Variants in COL12A1 observed in about 807,000 individuals in gnomAD.
COL12A1 encodes the protein collagen type XII alpha 1 chain, also known as collagen alpha-1(XII) chain.
COL12A1 carries 114 observed loss-of-function variants against 349.7 expected under a neutral mutation model. That is an observed-to-expected ratio of 0.33 (90% CI 0.28 to 0.38). COL12A1 has a LOEUF of 0.38. Ranked by LOEUF, COL12A1 falls within the 10% of genes least tolerant of loss-of-function variation. The pLI, the probability that COL12A1 is intolerant of heterozygous loss-of-function variation, is 1.00. For missense variants in COL12A1, 3,284 were observed against 3,756.9 expected (o/e 0.87, Z 3.29); for synonymous variants, 1,369 against 1,329.0 (o/e 1.03, Z -0.66).
At position 75,137,496 on chromosome 6, in the gene COL12A1, G is replaced by A. The variant is rs760210784; in HGVS notation, c.5335C>T (p.Arg1779Cys). The A allele has an allele frequency of 1.3e-5, 21 of 1,613,548 alleles. No individual in the cohort carries two copies. Among genetic ancestry groups the A allele is most frequent in the South Asian group, 7.7e-5 (7 of 91,010 alleles). ...TAAGTGATCCTATATTTCTGCACAC[G>A]ACCACTAGCAGGATCCCACTTAACA... ...LTVKWDPASG[R>C]VQKYRITYQP... Residue 1779 changes from arginine (R) to cysteine (C), a missense_variant, in exon 31 of 66, where the codon CGT (arginine) becomes TGT (cysteine). Physicochemically the swap from Arg to Cys is radical, Grantham distance 180. Coordinates refer to ENST00000322507, the MANE Select transcript of COL12A1 (RefSeq NM_004370.6).
chr6:75,124,188 CTT>C, intron 41 of COL12A1, 65 bp downstream of exon 41: 1 of 1,593,968 alleles, frequency 6.3e-7, no homozygotes, highest in Non-Finnish European at 8.6e-7. Context: ...ATGGCATCTT[CTT>C]TACTGAAATT....
In COL12A1 at chr6:75,128,341, A is replaced by G. The variant is rs1366474005; in HGVS notation, c.6295T>C (p.Tyr2099His). ...TPYKITVIAV[Y>H]EDGDGGHLTG... The stretch of plus-strand genomic sequence containing the variant: ...AGATGGCCACCATCTCCATCTTCAT[A>G]AACAGCAATAACAGTAATTTTATAT... Residue 2099 changes from tyrosine to histidine, a missense_variant, in exon 38 of 66, where the codon TAT (tyrosine) becomes CAT (histidine). Tyr to His is a moderately conservative substitution (Grantham distance 83). Transcript: ENST00000322507. 6.2e-7 allele frequency: 1 copy of G among 1,608,122 alleles called. No individual in the cohort carries two copies. Among genetic ancestry groups the G allele is most frequent in the East Asian group, 2.2e-5 (1 of 44,586 alleles).
chr6:75,181,950 G>T (rs1769328255), intron 10 of COL12A1, among the ~76,000 whole-genome samples: 1 of 149,384 alleles, frequency 6.7e-6, no homozygotes, highest in African/African-American at 2.6e-5. Flanking sequence ...AGAAAAATTA[G>T]CCAGGCGTGG....
chr6:75,177,374 G>A lies in COL12A1; in HGVS notation c.2437+289C>T, dbSNP rs549617396. 3.3e-5 allele frequency among the ~76,000 whole-genome samples: 5 copies of A among 152,112 alleles called. No individual in the cohort carries two copies. In the East Asian group the frequency reaches 9.7e-4, roughly 29 times the overall value. On this transcript the variant is annotated intron_variant, in intron 12 of 65. Coordinates refer to ENST00000322507, the MANE Select transcript of COL12A1 (RefSeq NM_004370.6). ...ATCACTTGAACCCAGGAGGCAGAGG[G>A]TGCAGTGAGCCGAGCCACTGCACTC...
chr6:75,118,441 C>A (rs755773329), intron 46 of COL12A1, among the ~76,000 whole-genome samples: 3 of 152,188 alleles, frequency 2.0e-5, no homozygotes, highest in Non-Finnish European at 2.9e-5. Context: ...CACCTTAGAC[C>A]TTGCTTGGGA....
Position 75,103,766 on chromosome 6 carries a change from A to G in COL12A1, c.8310T>C (p.Ser2770=). The G allele has an allele frequency of 1.2e-6, 2 of 1,613,260 alleles. No individual in the cohort carries two copies. The highest frequency in any genetic ancestry group is 1.7e-6 in the Non-Finnish European group (2 of 1,179,298). ...AKGPRGERGI[S]GAIGPPGPRG... is the part of the protein sequence containing the mutation. ...TCTAAAATATACTTACAATTGCCCCACTGATACCTCTTTCACCTCTGGGAC... is the reference window on the plus strand; with the variant it reads ...TCTAAAATATACTTACAATTGCCCCGCTGATACCTCTTTCACCTCTGGGAC... The change falls in exon 55 of 66, where the codon AGT becomes AGC. Residue 2770 remains serine (S), a synonymous_variant. Transcript: ENST00000322507.
chr6:75,097,212 G>A, intron 59 of COL12A1, 41 bp downstream of exon 59: 1 of 1,577,970 alleles, frequency 6.3e-7, no homozygotes, highest in Non-Finnish European at 8.7e-7. Flanking sequence ...GTGAGAGGGT[G>A]GGAGTGAAGG....
At chr6:75,162,170 C>G (rs1768057584) in intron 14 of COL12A1, among the ~76,000 whole-genome samples, 1 of 151,986 alleles carries the variant, frequency 6.6e-6, no homozygotes, top group Non-Finnish European at 1.5e-5. Flanking sequence ...CAGATGGAAC[C>G]AAAAAAGAGT....
intron 14 of COL12A1, among the ~76,000 whole-genome samples, chr6:75,161,048 C>T (rs987928715): frequency 2.0e-5 from 3 of 152,018 alleles, no homozygotes; most frequent in African/African-American, 4.8e-5. Flanking sequence ...TAGCTCAGGG[C>T]GAAAGGGAGA....
intron 58 of COL12A1, among the ~76,000 whole-genome samples, chr6:75,100,063 G>C (rs1768238373): frequency 6.6e-6 from 1 of 152,186 alleles, no homozygotes; most frequent in Admixed American, 6.5e-5. Context: ...GCAGTAGGTA[G>C]GTACACAGGC....
intron 60 of COL12A1, 54 bp from the exon 61 acceptor site, chr6:75,091,579 T>TGCA: frequency 6.6e-7 from 1 of 1,519,132 alleles, no homozygotes; most frequent in East Asian, 2.3e-5. Context: ...TCTAAAATGA[T>TGCA]GCATGAATAG....
Position 75,128,392 on chromosome 6 carries a change from G to C in COL12A1, c.6244C>G (p.Leu2082Val). 1.2e-6 allele frequency: 2 copies of C among 1,606,200 alleles called. No individual in the cohort carries two copies. The highest frequency in any genetic ancestry group is 8.5e-7 in the Non-Finnish European group (1 of 1,176,382). Residue 2082 changes from leucine (L) to valine (V), a missense_variant, in exon 38 of 66, where the codon CTG (leucine) becomes GTG (valine). By Grantham distance (32) the Leu-to-Val change is conservative (BLOSUM62 1). Transcript: ENST00000322507. ...GGAGTGTCAGGTTGCAGGGGCTGCA[G>C]TATTACATTGTTTCTTCTGCCTGGG... ...TVPGRRNNVI[L>V]QPLQPDTPYK...
intron 59 of COL12A1, 100 bp downstream of exon 59, chr6:75,097,153 C>T: frequency 2.2e-6 from 2 of 924,694 alleles, no homozygotes; most frequent in Non-Finnish European, 3.5e-6. Context: ...TGATATACTC[C>T]ACAGCACAGA....
intron 65 of COL12A1, chr6:75,087,281 G>GA (rs11289042): frequency 1.0e-4 from 32 of 305,234 alleles, no homozygotes; most frequent in Non-Finnish European, 1.4e-4. Context: ...TTGGGGAAAA[G>GA]AAAAAAAAAA....
intron 16 of COL12A1, 121 bp downstream of exon 16, chr6:75,155,541 T>C: frequency 2.0e-6 from 2 of 1,014,502 alleles, no homozygotes; most frequent in Non-Finnish European, 2.8e-6. Context: ...TGATTTTAAA[T>C]ACTTTGCTGG....
chr6:75,105,153 T>C, intron 54 of COL12A1, 53 bp downstream of exon 54: 1 of 1,464,126 alleles, frequency 6.8e-7, no homozygotes, highest in African/African-American at 1.4e-5. Context: ...AAATAGATAA[T>C]CACTCTAAAG....
Position 75,152,410 on chromosome 6 carries a change from G to T in COL12A1, c.3638C>A (p.Ala1213Glu), listed in dbSNP as rs886380438. The stretch of plus-strand genomic sequence containing the variant: ...GAAACTCCTCACGGTTCTAAAATTT[G>T]CCCGGCCGATGCTCCATGATCCATC... Reference protein sequence around the residue: ...LVDGSWSIGRANFRTVRSFIS... With the variant: ...LVDGSWSIGRENFRTVRSFIS... The change falls in exon 18 of 66, where the codon GCA becomes GAA. Residue 1213 changes from alanine to glutamate, a missense_variant. This residue lies in a region of COL12A1 where 2,601 missense variants were observed against 2,824.8 expected (regional missense o/e 0.92). Transcript: ENST00000322507. 7 of 1,613,460 alleles carry T rather than the reference G, an allele frequency of 4.3e-6. No individual in the cohort carries two copies. The highest frequency in any genetic ancestry group is 5.9e-6 in the Non-Finnish European group (7 of 1,179,718).
intron 35 of COL12A1, 88 bp from the exon 36 acceptor site, chr6:75,131,069 T>C (rs1293570497): frequency 1.3e-6 from 2 of 1,551,300 alleles, no homozygotes; most frequent in East Asian, 4.5e-5. Flanking sequence ...GTATTTATAA[T>C]AAAATGTTGA....
intron 47 of COL12A1, 79 bp downstream of exon 47, chr6:75,117,303 C>A: frequency 1.4e-6 from 2 of 1,441,400 alleles, no homozygotes; most frequent in South Asian, 1.3e-5. Context: ...CTTGATCCCA[C>A]AAAGGATATA....
Sources: gnomAD v4.1 joint callset for allele counts (sites outside exome capture counted in the v4.1 genomes callset) on GRCh38, gnomAD v4.1.1 for gene constraint, gnomAD v4.1.1 regional missense constraint, MANE v1.5 for transcripts, NCBI Gene and HGNC (gene_info 2026-07-23, HGNC 2026-07-21) for gene names.